THSD7A: variants seen among roughly 807,000 people sequenced by gnomAD.
The protein encoded by THSD7A is thrombospondin type 1 domain containing 7A, also known as thrombospondin type-1 domain-containing protein 7A.
In THSD7A, 96 loss-of-function variants were observed where a neutral mutation model predicts 231.3. That is an observed-to-expected ratio of 0.41 (90% CI 0.35 to 0.49). The LOEUF is 0.49. THSD7A is among the 20% of genes least tolerant of loss of function. The pLI is 0.05. For missense variants in THSD7A, 2,290 were observed against 2,070.2 expected (o/e 1.11, Z -2.06); for synonymous variants, 940 against 743.3 (o/e 1.26, Z -4.30).
At chr7:11,547,366 A>C (rs1789444388) in intron 4 of THSD7A, among the ~76,000 whole-genome samples, 2 of 152,226 alleles carry the variant, frequency 1.3e-5, no homozygotes, top group African/African-American at 4.8e-5. Context: ...TAAGTTGGAT[A>C]AAGAAACAAA....
At chr7:11,534,662 G>C (rs896600333) in intron 6 of THSD7A, among the ~76,000 whole-genome samples, 13 of 152,230 alleles carry the variant, frequency 8.5e-5, no homozygotes, top group Non-Finnish European at 1.9e-4. Context: ...TGGTCTGAGA[G>C]GTGGAAAGAG....
intron 1 of THSD7A, among the ~76,000 whole-genome samples, chr7:11,703,649 A>G (rs540500706): frequency 3.3e-5 from 5 of 151,360 alleles, no homozygotes; most frequent in African/African-American, 9.7e-5. Flanking sequence ...TTGTTGAGAG[A>G]ATATTAAAAT....
At chr7:11,421,646 A>C (rs1327734696) in intron 16 of THSD7A, among the ~76,000 whole-genome samples, 1 of 152,228 alleles carries the variant, frequency 6.6e-6, no homozygotes, top group Admixed American at 6.5e-5. Context: ...AACCACTCAT[A>C]ACAGACTATA....
In THSD7A at chr7:11,373,786, C is replaced by A. The variant is rs1259892806; in HGVS notation, c.*2008G>T. The A allele has an allele frequency of 6.6e-6, 1 of 152,012 alleles. No homozygotes were observed. Among genetic ancestry groups the A allele is most frequent in the African/African-American group, 2.4e-5 (1 of 41,426 alleles). The allele number at this position is 152,012 out of a possible 1,614,324, so 9.4% of individuals were successfully genotyped here. A position where few individuals can be genotyped will look rare whatever the true frequency, so the allele number is the denominator to read the frequency against. On this transcript the variant is annotated 3_prime_UTR_variant, in exon 28 of 28. Coordinates refer to ENST00000423059, the MANE Select transcript of THSD7A (RefSeq NM_015204.3). Reference sequence around the variant, plus strand: ...TAAAAATACCTTCTAATCCAAAACACTTTTACAGGAACACAGCTGTTTAAG... The same window carrying A: ...TAAAAATACCTTCTAATCCAAAACAATTTTACAGGAACACAGCTGTTTAAG...
chr7:11,373,387 T>TCAA lies in THSD7A; in HGVS notation c.*2404_*2406dup, dbSNP rs1245361493. 6.6e-6 allele frequency: 1 copy of TCAA among 152,026 alleles called. No homozygotes were observed. Among genetic ancestry groups the TCAA allele is most frequent in the African/African-American group, 2.4e-5 (1 of 41,436 alleles). The allele number at this position is 152,026 out of a possible 1,614,324, so 9.4% of individuals were successfully genotyped here. A position where few individuals can be genotyped will look rare whatever the true frequency, so the allele number is the denominator to read the frequency against. On this transcript the variant is annotated 3_prime_UTR_variant, in exon 28 of 28. Transcript: ENST00000423059. ...ATGGAGTTTATTTTATTCAAAGAGATCAACTTTAGGATTATCTGGAAGACC... is the reference window on the plus strand; with the variant it reads ...ATGGAGTTTATTTTATTCAAAGAGATCAACAACTTTAGGATTATCTGGAAGACC...
chr7:11,548,538 C>A (rs541725504), intron 4 of THSD7A, among the ~76,000 whole-genome samples: 1 of 152,104 alleles, frequency 6.6e-6, no homozygotes, highest in East Asian at 1.9e-4. Context: ...ATACCAAAAC[C>A]TGGCAGAGAC....
intron 10 of THSD7A, among the ~76,000 whole-genome samples, chr7:11,461,806 A>C (rs1235489130): frequency 6.6e-6 from 1 of 152,210 alleles, no homozygotes; most frequent in Non-Finnish European, 1.5e-5. Context: ...GGAAGTTTAC[A>C]CAAATATTTG....
In THSD7A at chr7:11,474,226, A is replaced by T. The variant is rs1786052909; in HGVS notation, c.2252+108T>A. 1.1e-6 allele frequency: 1 copy of T among 891,054 alleles called. No individual in the cohort carries two copies. Among genetic ancestry groups the T allele is most frequent in the Non-Finnish European group, 1.7e-6 (1 of 593,904 alleles). The allele number at this position is 891,054 out of a possible 1,614,324, so 55.2% of individuals were successfully genotyped here. A position where few individuals can be genotyped will look rare whatever the true frequency, so the allele number is the denominator to read the frequency against. On this transcript the variant is annotated intron_variant, in intron 8 of 27. Transcript: ENST00000423059. The surrounding 1 kb of genome is among the most constrained non-coding windows in gnomAD (Gnocchi z 4.1). ...ACAAACAAATCTTGCTCTTGAGGAC[A>T]GGTATGACAAGCATCAAAATGTTCC...
Position 11,831,848 on chromosome 7 carries a change from C to CGGCAGT in THSD7A, c.98_99insACTGCC (p.Pro33_Leu34dup). 2 of 1,244,522 alleles carry CGGCAGT rather than the reference C, an allele frequency of 1.6e-6. No individual in the cohort carries two copies. Among genetic ancestry groups the CGGCAGT allele is most frequent in the Non-Finnish European group, 2.0e-6 (2 of 983,918 alleles). The allele number at this position is 1,244,522 out of a possible 1,614,324, so 77.1% of individuals were successfully genotyped here. A position where few individuals can be genotyped will look rare whatever the true frequency, so the allele number is the denominator to read the frequency against. On this transcript the variant is annotated inframe_insertion, in exon 1 of 28. Coordinates refer to ENST00000423059, the MANE Select transcript of THSD7A (RefSeq NM_015204.3). This position sits in a 1 kb window ranked among gnomAD's most constrained non-coding sequence, Gnocchi z 5.0. ...GGCGTAGCAGCAGCAGCAGGAGCAG[C>CGGCAGT]GGCAGCGGCAGCGGCAGCGGCAGCA...
intron 23 of THSD7A, among the ~76,000 whole-genome samples, chr7:11,387,807 C>T (rs763848240): frequency 1.6e-4 from 24 of 152,076 alleles, no homozygotes; most frequent in Non-Finnish European, 2.9e-4. Context: ...GGGAATTCTT[C>T]CAGTTATTGC....
At chr7:11,540,014 T>A (rs950185803) in intron 6 of THSD7A, among the ~76,000 whole-genome samples, 5 of 152,174 alleles carry the variant, frequency 3.3e-5, no homozygotes, top group African/African-American at 1.2e-4. Context: ...TAATCCAAAC[T>A]AGGATTTAAA....
chr7:11,398,228 C>G (rs1386606038), intron 23 of THSD7A, among the ~76,000 whole-genome samples: 1 of 152,078 alleles, frequency 6.6e-6, no homozygotes, highest in Non-Finnish European at 1.5e-5. Context: ...GAGTTCATGT[C>G]CTTTGCAGGG....
At chr7:11,511,302 G>A (rs1326438466) in intron 6 of THSD7A, among the ~76,000 whole-genome samples, 4 of 152,100 alleles carry the variant, frequency 2.6e-5, no homozygotes, top group Non-Finnish European at 5.9e-5. Flanking sequence ...ACAAATGGAA[G>A]AACATTCCAT....
chr7:11,699,450 T>C (rs1780509749), intron 1 of THSD7A, among the ~76,000 whole-genome samples: 1 of 151,288 alleles, frequency 6.6e-6, no homozygotes, highest in Non-Finnish European at 1.5e-5. Flanking sequence ...AGCTATTTAT[T>C]AGCATTGATT....
intron 4 of THSD7A, among the ~76,000 whole-genome samples, chr7:11,584,482 T>C (rs13240026): frequency 0.24 from 37,137 of 151,806 alleles, 4,737 homozygotes; most frequent in Middle Eastern, 0.29. Context: ...CTTGACTAGG[T>C]GTTATATAAA....
At chr7:11,546,561 CCA>C in intron 4 of THSD7A, among the ~76,000 whole-genome samples, 1 of 152,268 alleles carries the variant, frequency 6.6e-6, no homozygotes, top group South Asian at 2.1e-4. Flanking sequence ...AAGCAATAAG[CCA>C]CATTCAACAG....
chr7:11,719,580 G>T (rs1000103142), intron 1 of THSD7A, among the ~76,000 whole-genome samples: 1 of 151,330 alleles, frequency 6.6e-6, no homozygotes, highest in African/African-American at 2.4e-5. Flanking sequence ...TGGATCGCTC[G>T]GTCCTTTTGC....
intron 1 of THSD7A, among the ~76,000 whole-genome samples, chr7:11,752,839 T>C (rs1190121414): frequency 6.6e-6 from 1 of 151,954 alleles, no homozygotes; most frequent in African/African-American, 2.4e-5. Flanking sequence ...GTTGAGAGGA[T>C]TGCTTGAGGC....
At chr7:11,585,524 G>C (rs746843920) in intron 4 of THSD7A, among the ~76,000 whole-genome samples, 1 of 152,094 alleles carries the variant, frequency 6.6e-6, no homozygotes, top group East Asian at 1.9e-4. Context: ...AGTTCCCACC[G>C]CATACGTCTG....
Sources: allele counts gnomAD v4.1 joint callset (sites outside exome capture counted in the v4.1 genomes callset), GRCh38; gene constraint gnomAD v4.1.1; non-coding constraint Gnocchi (gnomAD v3.1); transcripts MANE v1.5; gene names NCBI Gene and HGNC (gene_info 2026-07-23, HGNC 2026-07-21).